The following XPR1 variants were observed in gnomAD, a reference collection of about 807,000 sequenced individuals.
XPR1 encodes the protein solute carrier family 53 member 1.
A neutral mutation model predicts 87.5 loss-of-function variants in XPR1; 28 were observed. That is an observed-to-expected ratio of 0.32 (90% CI 0.24 to 0.44). The LOEUF (loss-of-function observed/expected upper bound fraction) is 0.44. XPR1 is among the 20% of genes least tolerant of loss of function. The pLI is 1.00. For missense variants in XPR1, 559 were observed against 862.3 expected (o/e 0.65, Z 4.41); for synonymous variants, 300 against 306.1 (o/e 0.98, Z 0.21).
At chr1:180,683,639 C>G (rs575352505) in intron 2 of XPR1, among the ~76,000 whole-genome samples, 1 of 152,216 alleles carries the variant, frequency 6.6e-6, no homozygotes, top group East Asian at 1.9e-4. Flanking sequence ...TGTTTCCTGA[C>G]TTTTTAATGA....
intron 13 of XPR1, among the ~76,000 whole-genome samples, chr1:180,874,285 A>G (rs145030639): frequency 9.2e-5 from 14 of 152,336 alleles, no homozygotes; most frequent in African/African-American, 3.4e-4. Context: ...ATAAGTGGAA[A>G]TTGGGAGGTA....
intron 3 of XPR1, among the ~76,000 whole-genome samples, chr1:180,792,140 C>T (rs908627004): frequency 2.6e-5 from 4 of 152,312 alleles, no homozygotes; most frequent in Non-Finnish European, 4.4e-5. Flanking sequence ...AGATTGTAGA[C>T]TGCAGTTGTC....
At chr1:180,660,616 A>G (rs1189344281) in intron 1 of XPR1, among the ~76,000 whole-genome samples, 1 of 152,194 alleles carries the variant, frequency 6.6e-6, no homozygotes, top group Non-Finnish European at 1.5e-5. Context: ...CTGGTCATTC[A>G]GGAGCATATT....
At chr1:180,795,378 T>A (rs1472270026) in intron 3 of XPR1, among the ~76,000 whole-genome samples, 1 of 152,174 alleles carries the variant, frequency 6.6e-6, no homozygotes. Flanking sequence ...TTATCAAATA[T>A]TTAGTATGAG....
At chr1:180,724,113 A>G (rs1658261928) in intron 2 of XPR1, among the ~76,000 whole-genome samples, 1 of 152,220 alleles carries the variant, frequency 6.6e-6, no homozygotes, top group Non-Finnish European at 1.5e-5. Flanking sequence ...TAGGGGAGAG[A>G]ATAGATTAGA....
intron 2 of XPR1, among the ~76,000 whole-genome samples, chr1:180,716,102 A>T (rs1046566871): frequency 2.0e-5 from 3 of 151,926 alleles, no homozygotes; most frequent in Non-Finnish European, 1.5e-5. Flanking sequence ...TATCAGATAA[A>T]CTTTGGGCTA....
At chr1:180,844,641 A>G (rs1312872674) in intron 11 of XPR1, among the ~76,000 whole-genome samples, 1 of 152,238 alleles carries the variant, frequency 6.6e-6, no homozygotes, top group African/African-American at 2.4e-5. Flanking sequence ...ATGCATCTGT[A>G]GGTCAGCTGG....
At chr1:180,877,798 G>T (rs192707197) in intron 13 of XPR1, among the ~76,000 whole-genome samples, 296 of 152,176 alleles carry the variant, frequency 1.9e-3, no homozygotes, top group Admixed American at 3.6e-3. Context: ...AACAGCAACA[G>T]TGAAAGTCAG....
intron 2 of XPR1, among the ~76,000 whole-genome samples, chr1:180,689,343 T>C (rs1207110692): frequency 1.3e-5 from 2 of 152,164 alleles, no homozygotes; most frequent in African/African-American, 4.8e-5. Flanking sequence ...ATAATTTTAA[T>C]TGGACATTTC....
intron 1 of XPR1, among the ~76,000 whole-genome samples, chr1:180,640,006 A>G (rs1654915425): frequency 6.6e-6 from 1 of 152,206 alleles, no homozygotes; most frequent in African/African-American, 2.4e-5. Flanking sequence ...TTAAGGAGAA[A>G]GGAATTAACA....
chr1:180,684,226 C>T (rs1656684132), intron 2 of XPR1, among the ~76,000 whole-genome samples: 1 of 152,164 alleles, frequency 6.6e-6, no homozygotes, highest in South Asian at 2.1e-4. Flanking sequence ...AATAGAGAAT[C>T]CTTTCCCCAT....
At chr1:180,768,541 A>G (rs75744812) in intron 2 of XPR1, among the ~76,000 whole-genome samples, 2,557 of 152,354 alleles carry the variant, frequency 0.017, 79 homozygotes, top group African/African-American at 0.056. Context: ...CAATGAAATG[A>G]TAATAATCAG....
chr1:180,859,291 A>ATTTATT (rs1440398455), intron 11 of XPR1, among the ~76,000 whole-genome samples: 1 of 152,038 alleles, frequency 6.6e-6, no homozygotes, highest in Non-Finnish European at 1.5e-5. Flanking sequence ...ACTGTAAGAA[A>ATTTATT]TTTATTTTTA....
At chr1:180,670,277 A>G (rs1218878092) in intron 1 of XPR1, among the ~76,000 whole-genome samples, 1 of 151,942 alleles carries the variant, frequency 6.6e-6, no homozygotes, top group Admixed American at 6.6e-5. Flanking sequence ...CCAATTTTCT[A>G]TATTCTTTAT....
chr1:180,852,042 A>G (rs1313494552), intron 11 of XPR1, among the ~76,000 whole-genome samples: 1 of 151,218 alleles, frequency 6.6e-6, no homozygotes, highest in Non-Finnish European at 1.5e-5. Context: ...TGCCTTTAAA[A>G]CCTCCTCTTG....
chr1:180,786,205 G>A (rs1465684639), intron 2 of XPR1, among the ~76,000 whole-genome samples: 1 of 149,574 alleles, frequency 6.7e-6, no homozygotes, highest in Non-Finnish European at 1.5e-5. Context: ...AAAATAAATA[G>A]ATTCAGCATG....
chr1:180,784,217 T>C (rs1200589288), intron 2 of XPR1, among the ~76,000 whole-genome samples: 2 of 152,028 alleles, frequency 1.3e-5, no homozygotes, highest in Non-Finnish European at 2.9e-5. Context: ...AAGGAATGAG[T>C]GTGTTCATTT....
chr1:180,796,645 G>A (rs899021992), intron 3 of XPR1, among the ~76,000 whole-genome samples: 5 of 152,060 alleles, frequency 3.3e-5, no homozygotes, highest in East Asian at 1.9e-4. Context: ...GATAGGCCAC[G>A]CAAAAACTTG....
intron 2 of XPR1, among the ~76,000 whole-genome samples, chr1:180,780,767 CAAAA>C (rs756960289): frequency 3.8e-5 from 4 of 106,064 alleles, no homozygotes; most frequent in Non-Finnish European, 7.8e-5. Flanking sequence ...GACTCTGTCT[CAAAA>C]AAAAAAAAAA....
Sources: allele counts gnomAD v4.1 joint callset (sites outside exome capture counted in the v4.1 genomes callset), GRCh38; gene constraint gnomAD v4.1.1; transcripts MANE v1.5; gene names NCBI Gene and HGNC (gene_info 2026-07-23, HGNC 2026-07-21).